ABLIM2: variants seen among roughly 807,000 people sequenced by gnomAD.
ABLIM2 encodes the protein actin-binding LIM protein 2.
A neutral mutation model predicts 97.7 loss-of-function variants in ABLIM2; 53 were observed. The observed-to-expected ratio is 0.54, with a 90% confidence interval of 0.44 to 0.68. The LOEUF is 0.68. Among genes scored for constraint, ABLIM2 ranks in the 30% least tolerant of loss-of-function variants. ABLIM2 has a pLI of 0.00. For synonymous variants in ABLIM2, 361 were observed against 345.8 expected, an observed-to-expected ratio of 1.04 and a Z score of -0.49; for missense variants, 835 against 867.2, an observed-to-expected ratio of 0.96 and a Z score of 0.47.
rs533312662 is a variant in ABLIM2, at chr4:8,044,286, C to G, written c.900+878G>C. Among the ~76,000 whole-genome samples the G allele has an allele frequency of 1.3e-5, 2 of 152,226 alleles. No individual in the cohort carries two copies. The highest frequency in any genetic ancestry group is 4.1e-4 in the South Asian group (2 of 4,824). ...TCACCAGCCATTCCAGTGCTGGGTT[C>G]TGGTGCAGGGGCAGCCTACATGGCA... On this transcript the variant is annotated intron_variant, in intron 9 of 20. Coordinates refer to ENST00000447017, the MANE Select transcript of ABLIM2 (RefSeq NM_001130083.2). This position sits in a 1 kb window ranked among gnomAD's most constrained non-coding sequence, Gnocchi z 4.4.
intron 20 of ABLIM2, among the ~76,000 whole-genome samples, chr4:7,982,401 G>A (rs1739366146): frequency 1.3e-5 from 2 of 152,214 alleles, no homozygotes; most frequent in African/African-American, 4.8e-5. Context: ...TTCATGACAG[G>A]GCTCAGGAGA....
intron 9 of ABLIM2, among the ~76,000 whole-genome samples, chr4:8,037,290 A>G (rs1423561594): frequency 6.6e-6 from 1 of 151,906 alleles, no homozygotes. Flanking sequence ...ACATACGCAC[A>G]CATGCACACA....
chr4:8,072,593 G>A lies in ABLIM2; in HGVS notation c.675+5035C>T, dbSNP rs1812986834. 6.6e-6 allele frequency among the ~76,000 whole-genome samples: 1 copy of A among 152,222 alleles called. No individual in the cohort carries two copies. The highest frequency in any genetic ancestry group is 2.1e-4 in the South Asian group (1 of 4,832). ...GCTATTAAGCCAAAAATGCAAACCTGCATCTGTGCACCAGGAGAAGACAAA... is the reference window on the plus strand; with the variant it reads ...GCTATTAAGCCAAAAATGCAAACCTACATCTGTGCACCAGGAGAAGACAAA... On this transcript the variant is annotated intron_variant, in intron 6 of 20. Transcript: ENST00000447017. The surrounding 1 kb of genome is among the most constrained non-coding windows in gnomAD (Gnocchi z 5.8).
chr4:8,076,661 G>C (rs1185950456), intron 6 of ABLIM2, among the ~76,000 whole-genome samples: 2 of 151,472 alleles, frequency 1.3e-5, no homozygotes, highest in Admixed American at 6.6e-5. Context: ...ATGGACCATG[G>C]GCCAATCCAG....
chr4:8,049,249 C>T (rs367899890), intron 8 of ABLIM2, among the ~76,000 whole-genome samples: 3 of 152,346 alleles, frequency 2.0e-5, no homozygotes, highest in South Asian at 2.1e-4. Context: ...GTAGGTGCTT[C>T]GTGGCTTGTG....
chr4:8,133,386 G>T (rs1321846491), intron 1 of ABLIM2, among the ~76,000 whole-genome samples: 1 of 152,130 alleles, frequency 6.6e-6, no homozygotes, highest in African/African-American at 2.4e-5. Context: ...CATTAAGGGA[G>T]TTTTCTCCCC....
chr4:8,070,665 C>T (rs190768052), intron 6 of ABLIM2, among the ~76,000 whole-genome samples: 203 of 152,264 alleles, frequency 1.3e-3, no homozygotes, highest in African/African-American at 4.6e-3. Context: ...GCCAGCCTCC[C>T]CTGTGGCAGG....
chr4:7,989,072 CTTT>C (rs71175445), intron 17 of ABLIM2, among the ~76,000 whole-genome samples: 3 of 81,354 alleles, frequency 3.7e-5, no homozygotes, highest in African/African-American at 5.0e-5. Flanking sequence ...ACACATTAGT[CTTT>C]TTTTTTTTTT....
At chr4:8,139,134 T>C (rs1850586907) in intron 1 of ABLIM2, among the ~76,000 whole-genome samples, 1 of 151,260 alleles carries the variant, frequency 6.6e-6, no homozygotes, top group Non-Finnish European at 1.5e-5. Flanking sequence ...GAGGCGGAGG[T>C]TGCAGGGAGC....
chr4:8,077,478 G>T (rs928923397), intron 6 of ABLIM2, 150 bp downstream of exon 6: 2 of 739,944 alleles, frequency 2.7e-6, no homozygotes, highest in Non-Finnish European at 2.2e-6. Flanking sequence ...GCTGATGAGG[G>T]TGTCCATTGG....
chr4:8,011,804 C>A (rs1765054069), intron 14 of ABLIM2, among the ~76,000 whole-genome samples: 1 of 152,186 alleles, frequency 6.6e-6, no homozygotes, highest in Admixed American at 6.5e-5. Context: ...TCCCTGTATT[C>A]CTTGGGAAAT....
chr4:7,966,874 C>CCCCCCCCGGG lies in ABLIM2; in HGVS notation c.*115_*116insCCCGGGGGGG. On this transcript the variant is annotated 3_prime_UTR_variant, in exon 21 of 21. Transcript: ENST00000447017. ...ACCTGCTGGGGGACCCCCTCCCGCC[C>CCCCCCCCGGG]ACCCCATGGACACAGAGAAGCCAGA... is the stretch of plus-strand genomic sequence containing the variant. The CCCCCCCCGGG allele has an allele frequency of 4.2e-6, 1 of 240,078 alleles. No individual in the cohort carries two copies. Among genetic ancestry groups the CCCCCCCCGGG allele is most frequent in the Non-Finnish European group, 8.4e-6 (1 of 119,072 alleles). The allele number at this position is 240,078 out of a possible 1,614,324, so 14.9% of individuals were successfully genotyped here. A position where few individuals can be genotyped will look rare whatever the true frequency, so the allele number is the denominator to read the frequency against.
chr4:8,009,233 C>A, intron 14 of ABLIM2, 131 bp from the exon 15 acceptor site: 1 of 1,106,886 alleles, frequency 9.0e-7, no homozygotes, highest in South Asian at 1.4e-5. Context: ...GTACGAGTGC[C>A]TTTCAAAGGG....
intron 20 of ABLIM2, among the ~76,000 whole-genome samples, chr4:7,967,828 T>C (rs1208690074): frequency 6.6e-6 from 1 of 152,198 alleles, no homozygotes; most frequent in African/African-American, 2.4e-5. Context: ...CCTGGAGCTG[T>C]GGGGAGGAAG....
chr4:8,119,025 T>C (rs1844046281), intron 1 of ABLIM2, among the ~76,000 whole-genome samples: 2 of 152,176 alleles, frequency 1.3e-5, no homozygotes, highest in Non-Finnish European at 2.9e-5. Flanking sequence ...GGCACCTCTC[T>C]GAAACAGGAC....
chr4:8,137,262 C>T (rs1360838291), intron 1 of ABLIM2, among the ~76,000 whole-genome samples: 1 of 152,248 alleles, frequency 6.6e-6, no homozygotes, highest in African/African-American at 2.4e-5. Context: ...GGCTCACTGG[C>T]TCAAGGGATC....
intron 6 of ABLIM2, 51 bp downstream of exon 6, chr4:8,077,577 G>A: frequency 1.3e-6 from 2 of 1,493,022 alleles, no homozygotes; most frequent in South Asian, 1.2e-5. Context: ...TCCCAGGGGG[G>A]CAGTTAGGCC....
rs930101109 is a variant in ABLIM2, at chr4:8,149,608, G to A, written c.10+9072C>T. On this transcript the variant is annotated intron_variant, in intron 1 of 20. Transcript: ENST00000447017. The surrounding 1 kb of genome is among the most constrained non-coding windows in gnomAD (Gnocchi z 6.4). The stretch of plus-strand genomic sequence containing the variant: ...AGAGGAGGAGGGACTCCAGGGGAGC[G>A]GGGGCAGGCAGAAGGCGGCAGGAAG... Among the ~76,000 whole-genome samples the A allele has an allele frequency of 6.6e-6, 1 of 151,912 alleles. No individual in the cohort carries two copies. Among genetic ancestry groups the A allele is most frequent in the Non-Finnish European group, 1.5e-5 (1 of 67,966 alleles).
Position 8,085,046 on chromosome 4 carries a change from G to A in ABLIM2, c.454+3123C>T, listed in dbSNP as rs1456847264. 6.6e-6 allele frequency among the ~76,000 whole-genome samples: 1 copy of A among 152,208 alleles called. No homozygotes were observed. The highest frequency in any genetic ancestry group is 2.4e-5 in the African/African-American group (1 of 41,452). On this transcript the variant is annotated intron_variant, in intron 4 of 20. Coordinates refer to ENST00000447017, the MANE Select transcript of ABLIM2 (RefSeq NM_001130083.2). The surrounding 1 kb of genome is among the most constrained non-coding windows in gnomAD (Gnocchi z 6.1). ...TCCCAACGAGAGTGGTGGGGAAGCTGAGGCATGCGGGGTGTTCGCTGCTCC... is the reference window on the plus strand; with the variant it reads ...TCCCAACGAGAGTGGTGGGGAAGCTAAGGCATGCGGGGTGTTCGCTGCTCC...
Sources: allele counts gnomAD v4.1 joint callset (sites outside exome capture counted in the v4.1 genomes callset), GRCh38; gene constraint gnomAD v4.1.1; non-coding constraint Gnocchi (gnomAD v3.1); transcripts MANE v1.5; gene names NCBI Gene and HGNC (gene_info 2026-07-23, HGNC 2026-07-21).